Variants in ADIPOR2 observed in about 807,000 individuals in gnomAD.
ADIPOR2 encodes the protein adiponectin receptor 2.
Under a neutral mutation model 40.9 loss-of-function variants are expected in ADIPOR2, and 18 were observed. The observed-to-expected ratio is 0.44, with a 90% CI of 0.30 to 0.65. The LOEUF (loss-of-function observed/expected upper bound fraction) is 0.65. ADIPOR2 is among the 30% of genes least tolerant of loss of function. The probability of loss-of-function intolerance (pLI) is 0.09; values close to 1 mark genes in which losing one functional copy is unlikely to be tolerated. For missense variants in ADIPOR2, 283 were observed against 479.2 expected (o/e 0.59, Z 3.82); for synonymous variants, 165 against 166.4 (o/e 0.99, Z 0.06).
At position 1,717,552 on chromosome 12, in the gene ADIPOR2, A is replaced by C. The variant is rs569069721; in HGVS notation, c.-87+26361A>C. ...GAAACCCTGTCTCTGCTAAAAATACAAAATTAGCCAGGCGTGGTGGCACAT... is the reference window on the plus strand; with the variant it reads ...GAAACCCTGTCTCTGCTAAAAATACCAAATTAGCCAGGCGTGGTGGCACAT... On this transcript the variant is annotated intron_variant, in intron 1 of 7. Transcript: ENST00000357103. Among the ~76,000 whole-genome samples the C allele has an allele frequency of 2.1e-3, 321 of 152,250 alleles. 1 individual carries two copies. Among genetic ancestry groups the C allele is most frequent in the African/African-American group, 7.5e-3 (312 of 41,550 alleles).
In ADIPOR2 at chr12:1,754,537, TAAAC is replaced by T. The variant is rs370216596; in HGVS notation, c.171+27_171+30del. On this transcript the variant is annotated intron_variant, in intron 2 of 7. Transcript: ENST00000357103. ...AAAGTAAGTCAAATTGGAAGAATGA[TAAAC>T]AAAGGAAAAAATGTGGAGGAAGTGG... 8.8e-5 allele frequency: 139 copies of T among 1,578,982 alleles called. 1 individual carries two copies. The highest frequency in any genetic ancestry group is 7.8e-4 in the East Asian group (34 of 43,598).
chr12:1,757,572 T>G lies in ADIPOR2; in HGVS notation c.171+3058T>G, dbSNP rs567704583. The G allele has an allele frequency of 1.2e-4, 129 of 1,044,000 alleles. No individual in the cohort carries two copies. In the African/African-American group the frequency reaches 1.5e-3, roughly 13 times the overall value. 64.7% of individuals were successfully genotyped at this position (1,044,000 alleles called of 1,614,324 possible). On this transcript the variant is annotated intron_variant, in intron 2 of 7. Coordinates refer to ENST00000357103, the MANE Select transcript of ADIPOR2 (RefSeq NM_024551.3). ...GGTATCATTCACCTTGATGAGGGAA[T>G]CAGGGTAGCGGATGGTGCCGGGCAT...
At chr12:1,730,294 T>C (rs1023714621) in intron 1 of ADIPOR2, among the ~76,000 whole-genome samples, 2 of 151,874 alleles carry the variant, frequency 1.3e-5, no homozygotes, top group Non-Finnish European at 2.9e-5. Context: ...CTCTTAGTGT[T>C]CTCAGAATCT....
chr12:1,703,667 T>C (rs957124161), intron 1 of ADIPOR2, among the ~76,000 whole-genome samples: 2 of 152,008 alleles, frequency 1.3e-5, no homozygotes, highest in African/African-American at 2.4e-5. Context: ...CAGTGAGCTG[T>C]GATTGAGCCA....
chr12:1,763,649 A>G (rs1862314572), intron 2 of ADIPOR2, among the ~76,000 whole-genome samples: 1 of 152,108 alleles, frequency 6.6e-6, no homozygotes, highest in Non-Finnish European at 1.5e-5. Context: ...ATCTGTCTCC[A>G]CTCACTTGAA....
intron 1 of ADIPOR2, among the ~76,000 whole-genome samples, chr12:1,704,228 G>A (rs1388512665): frequency 1.3e-5 from 2 of 151,906 alleles, no homozygotes; most frequent in Admixed American, 6.6e-5. Flanking sequence ...CAGTCTTTTT[G>A]TCCTTCACCA....
Position 1,781,048 on chromosome 12 carries a change from C to T in ADIPOR2, c.810C>T (p.Ala270=), listed in dbSNP as rs1391278626. 4 of 1,610,968 alleles carry T rather than the reference C, an allele frequency of 2.5e-6. No homozygotes were observed. The African/African-American group carries it at 4.0e-5, about 16-fold the overall frequency. Residue 270 remains alanine, a synonymous_variant, in exon 6 of 8, where the codon GCC becomes GCT. Coordinates refer to ENST00000357103, the MANE Select transcript of ADIPOR2 (RefSeq NM_024551.3). ...TAGTCTCCCAGTGGGACATGTTTGC[C>T]ACCCCTCAGTATCGGGGAGTAAGAG... ...AIIVSQWDMF[A]TPQYRGVRAG...
intron 1 of ADIPOR2, among the ~76,000 whole-genome samples, chr12:1,701,259 C>G (rs2094649728): frequency 6.6e-6 from 1 of 151,508 alleles, no homozygotes; most frequent in Non-Finnish European, 1.5e-5. Context: ...TTCCAAGTAG[C>G]TGGGAACTCA....
chr12:1,718,389 T>C (rs2094691739), intron 1 of ADIPOR2, among the ~76,000 whole-genome samples: 1 of 152,146 alleles, frequency 6.6e-6, no homozygotes, highest in Non-Finnish European at 1.5e-5. Flanking sequence ...TATTTTCAAC[T>C]CCTTGTTTTT....
intron 1 of ADIPOR2, among the ~76,000 whole-genome samples, chr12:1,743,921 A>G (rs2094749128): frequency 1.3e-5 from 2 of 152,166 alleles, no homozygotes; most frequent in East Asian, 1.9e-4. Context: ...GATCAGCCTT[A>G]TATTTTTTCC....
At chr12:1,706,856 T>C (rs1333055415) in intron 1 of ADIPOR2, among the ~76,000 whole-genome samples, 1 of 152,164 alleles carries the variant, frequency 6.6e-6, no homozygotes, top group Non-Finnish European at 1.5e-5. Context: ...CTGGGCAAGG[T>C]GGCTCATGCC....
At chr12:1,776,034 C>T (rs1459738953) in intron 3 of ADIPOR2, among the ~76,000 whole-genome samples, 2 of 151,972 alleles carry the variant, frequency 1.3e-5, no homozygotes, top group Non-Finnish European at 2.9e-5. Context: ...AACCACAGAC[C>T]CCACGTTTTG....
chr12:1,781,193 G>A (rs1862711671), intron 6 of ADIPOR2, 117 bp downstream of exon 6: 1 of 1,125,368 alleles, frequency 8.9e-7, no homozygotes, highest in Non-Finnish European at 1.2e-6. Context: ...ATGCCAAGAT[G>A]AAGAAATCAT....
Position 1,783,945 on chromosome 12 carries a change from T to C in ADIPOR2, c.904T>C (p.Phe302Leu). 6.2e-7 allele frequency: 1 copy of C among 1,612,966 alleles called. No individual in the cohort carries two copies. The highest frequency in any genetic ancestry group is 2.2e-5 in the East Asian group (1 of 44,836). Residue 302 changes from phenylalanine to leucine, a missense_variant, in exon 7 of 8, where the codon TTC becomes CTC. Coordinates refer to ENST00000357103, the MANE Select transcript of ADIPOR2 (RefSeq NM_024551.3). The part of the protein sequence containing the change: ...PTLHYVISEG[F>L]LKAATIGQIG... ...CTTGCACTATGTCATCTCGGAGGGG[T>C]TCCTTAAGGCCGCCACCATAGGGCA...
chr12:1,752,815 A>G (rs1374945250), intron 1 of ADIPOR2, among the ~76,000 whole-genome samples: 1 of 152,208 alleles, frequency 6.6e-6, no homozygotes, highest in Non-Finnish European at 1.5e-5. Flanking sequence ...GTGTGTGTGA[A>G]TAGCTTTGTG....
chr12:1,710,770 T>A (rs1057228652), intron 1 of ADIPOR2, among the ~76,000 whole-genome samples: 1 of 152,068 alleles, frequency 6.6e-6, no homozygotes, highest in Non-Finnish European at 1.5e-5. Context: ...ACTCTGTAGG[T>A]CAGCCAAAGG....
intron 1 of ADIPOR2, among the ~76,000 whole-genome samples, chr12:1,702,266 A>G (rs1344005823): frequency 1.3e-5 from 2 of 152,218 alleles, no homozygotes; most frequent in Admixed American, 6.5e-5. Context: ...TTCTGTGTGT[A>G]TGTATGTGGT....
intron 2 of ADIPOR2, among the ~76,000 whole-genome samples, chr12:1,763,005 C>T (rs544603826): frequency 3.9e-5 from 6 of 152,046 alleles, no homozygotes; most frequent in Non-Finnish European, 8.8e-5. Flanking sequence ...GATAGTGATC[C>T]ATTGTAGTTG....
chr12:1,771,474 G>T (rs907611461), intron 2 of ADIPOR2, among the ~76,000 whole-genome samples: 2 of 152,132 alleles, frequency 1.3e-5, no homozygotes, highest in Non-Finnish European at 2.9e-5. Context: ...TTAAAGAAGG[G>T]TTTTAAATAG....
Sources: gnomAD v4.1 joint callset for allele counts (sites outside exome capture counted in the v4.1 genomes callset) on GRCh38, gnomAD v4.1.1 for gene constraint, MANE v1.5 for transcripts, NCBI Gene and HGNC (gene_info 2026-07-23, HGNC 2026-07-21) for gene names.